Variants in MYH9 observed in about 807,000 individuals in gnomAD.
MYH9 encodes the protein myosin heavy chain 9, also known as myosin-9.
MYH9 carries 29 observed loss-of-function variants against 241.9 expected under a neutral mutation model. The observed-to-expected ratio is 0.12, with a 90% confidence interval of 0.09 to 0.16. MYH9 has a LOEUF of 0.16. Among genes scored for constraint, MYH9 ranks in the 10% least tolerant of loss-of-function variants. MYH9 has a pLI of 1.00. For missense variants in MYH9, 1,803 were observed against 2,595.5 expected, an observed-to-expected ratio of 0.69 and a Z score of 6.63; for synonymous variants, 1,047 against 1,062.6, an observed-to-expected ratio of 0.99 and a Z score of 0.29.
intron 1 of MYH9, among the ~76,000 whole-genome samples, chr22:36,367,155 A>G (rs2018023402): frequency 6.6e-6 from 1 of 152,160 alleles, no homozygotes; most frequent in Admixed American, 6.5e-5. Context: ...CCAAGGCAAC[A>G]TGAACAAAGA....
intron 1 of MYH9, among the ~76,000 whole-genome samples, chr22:36,385,244 G>C (rs5756174): frequency 3.3e-5 from 5 of 151,722 alleles, no homozygotes; most frequent in African/African-American, 1.2e-4. Context: ...GCCAGGCTCA[G>C]AGGAAAACAA....
chr22:36,331,423 T>A (rs1459404369), intron 3 of MYH9, among the ~76,000 whole-genome samples: 1 of 152,206 alleles, frequency 6.6e-6, no homozygotes, highest in East Asian at 1.9e-4. Context: ...GCCAAGCCCA[T>A]GCAGTGAGGG....
intron 1 of MYH9, among the ~76,000 whole-genome samples, chr22:36,352,575 CG>C (rs2017783728): frequency 6.6e-6 from 1 of 152,176 alleles, no homozygotes; most frequent in Non-Finnish European, 1.5e-5. Flanking sequence ...CACCAGCTGG[CG>C]GGGAGGAATT....
intron 1 of MYH9, among the ~76,000 whole-genome samples, chr22:36,350,400 G>A (rs146943375): frequency 1.8e-3 from 273 of 152,316 alleles, no homozygotes; most frequent in African/African-American, 6.3e-3. Context: ...AGCAGGGCGT[G>A]GTGGCGCATG....
At chr22:36,292,564 C>T (rs1418170514) in intron 30 of MYH9, among the ~76,000 whole-genome samples, 1 of 152,198 alleles carries the variant, frequency 6.6e-6, no homozygotes, top group Non-Finnish European at 1.5e-5. Flanking sequence ...TGTAGGGTGT[C>T]CACGGGGTCC....
At position 36,285,761 on chromosome 22, in the gene MYH9, T is replaced by C. The variant is rs770791825; in HGVS notation, c.5171A>G (p.Lys1724Arg). 2.0e-5 allele frequency: 33 copies of C among 1,610,712 alleles called. No individual in the cohort carries two copies. Among genetic ancestry groups the C allele is most frequent in the Non-Finnish European group, 2.8e-5 (33 of 1,178,806 alleles). ...GGCGATGCGGGCCTCCAGACGCCGC[T>C]TCTCCTCTAACGCCAGGGCTCTGCG... is the stretch of plus-strand genomic sequence containing the variant. ...SGKGALALEE[K>R]RRLEARIAQL... Residue 1724 changes from lysine to arginine, a missense_variant, in exon 37 of 41, where the codon AAG (lysine) becomes AGG (arginine). By Grantham distance (26) the Lys-to-Arg change is conservative. Coordinates refer to ENST00000216181, the MANE Select transcript of MYH9 (RefSeq NM_002473.6). This position sits in a 1 kb window ranked among gnomAD's most constrained non-coding sequence, Gnocchi z 7.0.
In MYH9 at chr22:36,320,099, C is replaced by G; in HGVS notation, c.1012+121G>C. 7.2e-7 allele frequency: 1 copy of G among 1,388,386 alleles called. No individual in the cohort carries two copies. Among genetic ancestry groups the G allele is most frequent in the South Asian group, 1.2e-5 (1 of 84,882 alleles). The allele number at this position is 1,388,386 out of a possible 1,614,324, so 86.0% of individuals were successfully genotyped here. ...AATCATTTTCCCATACACTGAAGGC[C>G]TTCCCCTTCCCCTGGCCTCTAGCAG... On this transcript the variant is annotated intron_variant, in intron 9 of 40. Transcript: ENST00000216181. This position sits in a 1 kb window ranked among gnomAD's most constrained non-coding sequence, Gnocchi z 4.8.
At chr22:36,374,760 G>A (rs1047992137) in intron 1 of MYH9, among the ~76,000 whole-genome samples, 1 of 152,196 alleles carries the variant, frequency 6.6e-6, no homozygotes, top group Non-Finnish European at 1.5e-5. Flanking sequence ...GGCCGTCTTG[G>A]CCTATGCAGA....
intron 1 of MYH9, among the ~76,000 whole-genome samples, chr22:36,363,528 T>C (rs989920852): frequency 6.6e-6 from 1 of 152,190 alleles, no homozygotes; most frequent in Non-Finnish European, 1.5e-5. Context: ...TTGCCCCATG[T>C]TAAGAGGCCA....
intron 18 of MYH9, among the ~76,000 whole-genome samples, chr22:36,304,576 A>C (rs2016939230): frequency 6.6e-6 from 1 of 152,200 alleles, no homozygotes; most frequent in Non-Finnish European, 1.5e-5. Flanking sequence ...GCTTTCAATC[A>C]ACCGGAACTC....
chr22:36,331,727 T>A (rs2146374595), intron 3 of MYH9, among the ~76,000 whole-genome samples: 1 of 152,240 alleles, frequency 6.6e-6, no homozygotes, highest in Admixed American at 6.5e-5. Flanking sequence ...GCTCCCAAGA[T>A]CACACCTCCC....
chr22:36,289,402 G>C (rs1724216218), intron 31 of MYH9, 105 bp from the exon 32 acceptor site: 3 of 1,073,356 alleles, frequency 2.8e-6, no homozygotes, highest in Non-Finnish European at 2.7e-6. Flanking sequence ...AGGCCACGGT[G>C]GAGAGGAGCA....
At chr22:36,324,621 G>C (rs1385628136) in intron 5 of MYH9, among the ~76,000 whole-genome samples, 1 of 152,258 alleles carries the variant, frequency 6.6e-6, no homozygotes, top group African/African-American at 2.4e-5. Flanking sequence ...GCAAGTGAGA[G>C]AGCGCTGGCT....
chr22:36,297,731 C>T (rs1216862294), intron 24 of MYH9, among the ~76,000 whole-genome samples: 3 of 152,194 alleles, frequency 2.0e-5, no homozygotes, highest in Admixed American at 6.5e-5. Flanking sequence ...GGCGGGCATG[C>T]GGCTGTGTTC....
At chr22:36,375,961 T>C (rs1473354704) in intron 1 of MYH9, among the ~76,000 whole-genome samples, 1 of 141,242 alleles carries the variant, frequency 7.1e-6, no homozygotes, top group African/African-American at 2.6e-5. Context: ...ATTTCTTTTT[T>C]TTTTTTTTTT....
chr22:36,387,200 G>A (rs907866267), intron 1 of MYH9, among the ~76,000 whole-genome samples: 4 of 152,148 alleles, frequency 2.6e-5, no homozygotes, highest in African/African-American at 9.7e-5. Flanking sequence ...CGACGGCAGC[G>A]GGCGAATGAG....
Position 36,305,818 on chromosome 22 carries a change from G to T in MYH9, c.2159+112C>A. 4 of 1,476,744 alleles carry T rather than the reference G, an allele frequency of 2.7e-6. No homozygotes were observed. The highest frequency in any genetic ancestry group is 3.8e-6 in the Non-Finnish European group (4 of 1,065,194). The allele number at this position is 1,476,744 out of a possible 1,614,324, so 91.5% of individuals were successfully genotyped here. A position where few individuals can be genotyped will look rare whatever the true frequency, so the allele number is the denominator to read the frequency against. The stretch of plus-strand genomic sequence containing the variant: ...GGCCAGACTCAGTTCTACATGGATG[G>T]AGGACGTCGCTCCCTCACGACAGGA... On this transcript the variant is annotated intron_variant, in intron 17 of 40. Transcript: ENST00000216181. The surrounding 1 kb of genome is among the most constrained non-coding windows in gnomAD (Gnocchi z 4.7).
chr22:36,341,341 C>T, intron 3 of MYH9, 29 bp downstream of exon 3: 1 of 1,612,576 alleles, frequency 6.2e-7, no homozygotes, highest in East Asian at 2.2e-5. Flanking sequence ...AAGATTCAGC[C>T]CCAGGTGGGC....
Position 36,322,541 on chromosome 22 carries a change from G to A in MYH9, c.613-20C>T, listed in dbSNP as rs191416970. 29 of 1,612,612 alleles carry A rather than the reference G, an allele frequency of 1.8e-5. No homozygotes were observed. The highest frequency in any genetic ancestry group is 2.7e-5 in the African/African-American group (2 of 75,052). ...CTCGCCCTGCAAGGAACCCAGGGAC[G>A]CAGTGAAGGCCGGGCAGCGACCTGG... On this transcript the variant is annotated intron_variant, in intron 5 of 40. Coordinates refer to ENST00000216181, the MANE Select transcript of MYH9 (RefSeq NM_002473.6).
Sources: gnomAD v4.1 joint callset for allele counts (sites outside exome capture counted in the v4.1 genomes callset) on GRCh38, gnomAD v4.1.1 for gene constraint, Gnocchi (gnomAD v3.1) non-coding constraint, MANE v1.5 for transcripts, NCBI Gene and HGNC (gene_info 2026-07-23, HGNC 2026-07-21) for gene names.